SEC23B: variants seen among roughly 807,000 people sequenced by gnomAD.
SEC23B encodes protein transport protein Sec23B.
Under a neutral mutation model 104.3 loss-of-function variants are expected in SEC23B, and 77 were observed. The observed-to-expected ratio is 0.74, with a 90% CI of 0.61 to 0.89. The LOEUF is 0.89. Among genes scored for constraint, SEC23B ranks in the 40% least tolerant of loss-of-function variants. SEC23B has a pLI of 0.00. For missense variants in SEC23B, 885 were observed against 949.4 expected (o/e 0.93, Z 0.89); for synonymous variants, 338 against 332.5 (o/e 1.02, Z -0.18).
chr20:18,515,065 C>T (rs1415783252), intron 3 of SEC23B, among the ~76,000 whole-genome samples: 1 of 152,122 alleles, frequency 6.6e-6, no homozygotes, highest in Non-Finnish European at 1.5e-5. Flanking sequence ...GTAATCCCAG[C>T]ACTTTGGGAG....
intron 14 of SEC23B, among the ~76,000 whole-genome samples, chr20:18,545,212 G>C (rs560950370): frequency 6.6e-6 from 1 of 152,120 alleles, no homozygotes; most frequent in South Asian, 2.1e-4. Flanking sequence ...TGGGAGGAGG[G>C]GGCCAAGAAC....
At chr20:18,538,929 G>T (rs2060261324) in intron 12 of SEC23B, among the ~76,000 whole-genome samples, 1 of 152,034 alleles carries the variant, frequency 6.6e-6, no homozygotes, top group Non-Finnish European at 1.5e-5. Flanking sequence ...AAATAGGCCG[G>T]GTGTGATGGC....
chr20:18,550,447 A>G (rs1414438090), intron 16 of SEC23B, among the ~76,000 whole-genome samples: 1 of 152,132 alleles, frequency 6.6e-6, no homozygotes, highest in Non-Finnish European at 1.5e-5. Context: ...ATGAGCCACT[A>G]CGCCCAGCCA....
chr20:18,548,418 C>T (rs2060353814), intron 15 of SEC23B, among the ~76,000 whole-genome samples, 191 bp from the exon 16 acceptor site: 1 of 152,152 alleles, frequency 6.6e-6, no homozygotes, highest in Non-Finnish European at 1.5e-5. Flanking sequence ...AAACTCTGTG[C>T]TCATTAAGCA....
chr20:18,552,339 A>C (rs1284360772), intron 17 of SEC23B, among the ~76,000 whole-genome samples: 1 of 152,206 alleles, frequency 6.6e-6, no homozygotes, highest in Admixed American at 6.5e-5. Context: ...ACTTGCACGC[A>C]AGTGCTAGGC....
chr20:18,559,343 G>T (rs577919757), intron 19 of SEC23B, among the ~76,000 whole-genome samples: 4 of 152,240 alleles, frequency 2.6e-5, no homozygotes, highest in Non-Finnish European at 1.5e-5. Context: ...CATATATTTT[G>T]CCAGGTTGCG....
rs2060133996 is a variant in SEC23B at position 18,526,374 on chromosome 20, G to T, written c.836G>T (p.Gly279Val). 1.9e-6 allele frequency: 3 copies of T among 1,614,070 alleles called. No homozygotes were observed. The African/African-American group carries it at 4.0e-5, about 22-fold the overall frequency. ...ACATGCTGCCATTCGCTATTTTAGG[G>T]CACTTTTCCAAACACAGGAGCCAGG... ...ALSIAVGLLE[G>V]TFPNTGARIM... The change falls in exon 8 of 20, where the codon GGC becomes GTC. Residue 279 changes from glycine (G) to valine (V), a missense_variant and splice_region_variant. Gly to Val is a moderately radical substitution (Grantham distance 109). Coordinates refer to ENST00000650089, the MANE Select transcript of SEC23B (RefSeq NM_006363.6).
chr20:18,535,214 G>GTAGTAT (rs1225955653), intron 11 of SEC23B, among the ~76,000 whole-genome samples: 14 of 113,648 alleles, frequency 1.2e-4, no homozygotes, highest in African/African-American at 4.8e-4. Context: ...CCACACACAC[G>GTAGTAT]TAGTATATGT....
chr20:18,530,893 C>T lies in SEC23B; in HGVS notation c.1233+90C>T, dbSNP rs2060181315. The T allele has an allele frequency of 2.8e-6, 3 of 1,054,252 alleles. No individual in the cohort carries two copies. The Admixed American group carries it at 6.0e-5, about 21-fold the overall frequency. 65.3% of individuals were successfully genotyped at this position (1,054,252 alleles called of 1,614,324 possible). A position where few individuals can be genotyped will look rare whatever the true frequency, so the allele number is the denominator to read the frequency against. On this transcript the variant is annotated intron_variant, in intron 10 of 19. Coordinates refer to ENST00000650089, the MANE Select transcript of SEC23B (RefSeq NM_006363.6). Reference sequence around the variant, plus strand: ...CTGGTCTCAGGCAATTTTCCCGCCTCAGCGTCCTAAAGTGCTGGGATTATG... The same window carrying T: ...CTGGTCTCAGGCAATTTTCCCGCCTTAGCGTCCTAAAGTGCTGGGATTATG...
chr20:18,520,208 C>T (rs1389274654), intron 4 of SEC23B, among the ~76,000 whole-genome samples: 1 of 149,248 alleles, frequency 6.7e-6, no homozygotes, highest in Non-Finnish European at 1.5e-5. Flanking sequence ...CCTGAACTAA[C>T]CTATAAGGCT....
chr20:18,550,076 A>G (rs1046312236), intron 16 of SEC23B, among the ~76,000 whole-genome samples: 11 of 148,192 alleles, frequency 7.4e-5, no homozygotes, highest in Admixed American at 2.0e-4. Context: ...ATGTATATAA[A>G]TATATATGTA....
intron 4 of SEC23B, among the ~76,000 whole-genome samples, chr20:18,516,848 C>G (rs528834847): frequency 6.6e-6 from 1 of 152,136 alleles, no homozygotes; most frequent in South Asian, 2.1e-4. Context: ...CCACCGCACC[C>G]GGCCACATTT....
Position 18,508,715 on chromosome 20 carries a change from T to G in SEC23B, c.-15+743T>G, listed in dbSNP as rs540517946. On this transcript the variant is annotated intron_variant, in intron 1 of 19. Transcript: ENST00000650089. ...AAACCATTAGATGGAGGCAGTAGCT[T>G]CTTTTTTTTTTTTTTTTTTTTTGAG... 8.1e-4 allele frequency among the ~76,000 whole-genome samples: 82 copies of G among 101,350 alleles called. 1 individual carries two copies. In the East Asian group the frequency reaches 0.022, roughly 27 times the overall value. The allele number at this position is 101,350 out of a possible 152,430, so 66.5% of individuals were successfully genotyped here. A position where few individuals can be genotyped will look rare whatever the true frequency, so the allele number is the denominator to read the frequency against.
At chr20:18,560,070 A>G (rs2060477735) in intron 19 of SEC23B, among the ~76,000 whole-genome samples, 1 of 149,316 alleles carries the variant, frequency 6.7e-6, no homozygotes, top group African/African-American at 2.5e-5. Context: ...AACTATTTCC[A>G]GCTTTTTTCT....
chr20:18,512,147 C>A, intron 2 of SEC23B, 78 bp from the exon 3 acceptor site: 1 of 871,102 alleles, frequency 1.1e-6, no homozygotes, highest in Admixed American at 2.5e-5. Flanking sequence ...TACAAATGAA[C>A]GCTTTCTACC....
chr20:18,544,468 C>T (rs2060314861), intron 14 of SEC23B, among the ~76,000 whole-genome samples: 1 of 152,192 alleles, frequency 6.6e-6, no homozygotes, highest in African/African-American at 2.4e-5. Flanking sequence ...GAAGGCAAGG[C>T]TTGCTGAGTG....
Position 18,548,607 on chromosome 20 carries a change from A to C in SEC23B, c.1744-2A>C. 6.2e-7 allele frequency: 1 copy of C among 1,613,784 alleles called. No individual in the cohort carries two copies. The highest frequency in any genetic ancestry group is 8.5e-7 in the Non-Finnish European group (1 of 1,179,668). ...TTCTCTTTCCGTTCTTTGTGAATGC[A>C]GTTTATGTTCCATCTGAGAAGATCT... On this transcript the variant is annotated splice_acceptor_variant, in intron 15 of 19. Coordinates refer to ENST00000650089, the MANE Select transcript of SEC23B (RefSeq NM_006363.6). LOFTEE classifies it high-confidence loss of function.
chr20:18,557,489 T>C (rs2060450480), intron 19 of SEC23B, among the ~76,000 whole-genome samples: 1 of 152,138 alleles, frequency 6.6e-6, no homozygotes, highest in Non-Finnish European at 1.5e-5. Context: ...AGTCTACTGG[T>C]GTTCAAGCGA....
At chr20:18,538,617 G>C (rs956719901) in intron 12 of SEC23B, among the ~76,000 whole-genome samples, 26 of 152,188 alleles carry the variant, frequency 1.7e-4, no homozygotes, top group Non-Finnish European at 1.5e-5. Context: ...TTCCAGGAAA[G>C]ATTTCTCTGT....
Sources: gnomAD v4.1 joint callset for allele counts (sites outside exome capture counted in the v4.1 genomes callset) on GRCh38, gnomAD v4.1.1 for gene constraint, MANE v1.5 for transcripts, NCBI Gene and HGNC (gene_info 2026-07-23, HGNC 2026-07-21) for gene names.